The following TUT1 variants were observed in gnomAD, a reference collection of about 807,000 sequenced individuals.
TUT1 encodes speckle targeted PIP5K1A-regulated poly(A) polymerase.
A neutral mutation model predicts 48.8 loss-of-function variants in TUT1; 26 were observed. That is an observed-to-expected ratio of 0.53 (90% CI 0.39 to 0.74). TUT1 has a LOEUF of 0.74. Ranked by LOEUF, TUT1 falls within the 30% of genes least tolerant of loss-of-function variation. The pLI, the probability that TUT1 is intolerant of heterozygous loss-of-function variation, is 0.00. For synonymous variants in TUT1, 470 were observed against 460.8 expected, an observed-to-expected ratio of 1.02 and a Z score of -0.26; for missense variants, 1,065 against 1,114.8, an observed-to-expected ratio of 0.96 and a Z score of 0.64.
rs779591874 is a variant in TUT1, at chr11:62,575,782, CCTT to C, written c.1934_1936del (p.Glu645del). On this transcript the variant is annotated inframe_deletion, in exon 9 of 9. Coordinates refer to ENST00000476907, the MANE Select transcript of TUT1 (RefSeq NM_022830.3). ...CTGAGAGGACTCCCCAGTTCCACCT[CCTT>C]CTGACCGCGTTCTCTTGGTTGCCTG... is the stretch of plus-strand genomic sequence containing the variant. The C allele has an allele frequency of 1.2e-5, 20 of 1,614,114 alleles. No homozygotes were observed. The African/African-American group carries it at 2.3e-4, about 18-fold the overall frequency.
At chr11:62,576,426 A>G in intron 8 of TUT1, 182 bp from the exon 9 acceptor site, 3 of 848,462 alleles carry the variant, frequency 3.5e-6, no homozygotes, top group Non-Finnish European at 5.3e-6. Flanking sequence ...CCCTGCCCCC[A>G]CATGATGTCC....
At position 62,578,609 on chromosome 11, in the gene TUT1, A is replaced by T. The variant is rs528285215; in HGVS notation, c.1112T>A (p.Phe371Tyr). 3 of 1,613,730 alleles carry T rather than the reference A, an allele frequency of 1.9e-6. No individual in the cohort carries two copies. Among genetic ancestry groups the T allele is most frequent in the Admixed American group, 3.3e-5 (2 of 59,960 alleles). Residue 371 changes from phenylalanine to tyrosine, a missense_variant, in exon 5 of 9, where the codon TTC (phenylalanine) becomes TAC (tyrosine). Physicochemically the swap from Phe to Tyr is conservative, Grantham distance 22. Coordinates refer to ENST00000476907, the MANE Select transcript of TUT1 (RefSeq NM_022830.3). ...VPSARRPVVK[F>Y]CHRPSGLHGD... is the part of the protein sequence containing the mutation. ...GTGGAGACCTGAAGGCCGATGACAG[A>T]ACTTGACCACAGGGCGCCGGGCAGA...
At chr11:62,586,147 C>A (rs959586865) in intron 2 of TUT1, among the ~76,000 whole-genome samples, 6 of 152,122 alleles carry the variant, frequency 3.9e-5, no homozygotes, top group African/African-American at 9.7e-5. Flanking sequence ...AAATAAGGAG[C>A]CTGTGTCCTT....
chr11:62,582,730 A>G (rs1018742749), intron 2 of TUT1: 4 of 310,662 alleles, frequency 1.3e-5, no homozygotes, highest in Non-Finnish European at 2.7e-5. Context: ...ATGTGATTAC[A>G]CTATGACCCA....
At chr11:62,580,753 C>T (rs1429737139) in intron 4 of TUT1, among the ~76,000 whole-genome samples, 2 of 151,552 alleles carry the variant, frequency 1.3e-5, no homozygotes, top group Non-Finnish European at 2.9e-5. Context: ...CAGGTGTACA[C>T]CACACACCCA....
intron 2 of TUT1, among the ~76,000 whole-genome samples, chr11:62,585,911 C>A (rs1241938743): frequency 6.6e-6 from 1 of 152,036 alleles, no homozygotes; most frequent in Non-Finnish European, 1.5e-5. Flanking sequence ...GAATTCCAGA[C>A]CAGCAACATG....
rs887816542 is a variant in TUT1, at chr11:62,589,160, A to T, written c.144T>A (p.Ala48=). The change falls in exon 2 of 9, where the codon GCT becomes GCA. Residue 48 remains alanine (A), a synonymous_variant. Coordinates refer to ENST00000476907, the MANE Select transcript of TUT1 (RefSeq NM_022830.3). ...TTCGAAGTCCCTGGGCCTTTCTCGC[A>T]GCTCGTAGTTCTACCAGGTGCCGGT... is the stretch of plus-strand genomic sequence containing the variant. ...RKHRHLVELR[A]ARKAQGLRSV... 5.0e-6 allele frequency: 8 copies of T among 1,614,254 alleles called. No homozygotes were observed. The highest frequency in any genetic ancestry group is 6.8e-6 in the Non-Finnish European group (8 of 1,180,052).
Position 62,575,975 on chromosome 11 carries a change from G to A in TUT1, c.1744C>T (p.Arg582Cys), listed in dbSNP as rs760704869. ...CCCCAGTCCCGACCCCGGGAGGAAC[G>A]GCGCTGGTACTGGAGGCTTCGGCAG... ...NYCRSLQYQR[R>C]SSRGRDWGLL... is the part of the protein sequence containing the mutation. Residue 582 changes from arginine (R) to cysteine (C), a missense_variant, in exon 9 of 9, where the codon CGT becomes TGT. By Grantham distance (180) the Arg-to-Cys change is radical. Transcript: ENST00000476907. 5.0e-6 allele frequency: 8 copies of A among 1,614,102 alleles called. No individual in the cohort carries two copies. The highest frequency in any genetic ancestry group is 2.7e-5 in the African/African-American group (2 of 75,066).
At position 62,575,204 on chromosome 11, in the gene TUT1, C is replaced by T; in HGVS notation, c.2515G>A (p.Ala839Thr). The T allele has an allele frequency of 6.2e-7, 1 of 1,613,196 alleles. No homozygotes were observed. The highest frequency in any genetic ancestry group is 8.5e-7 in the Non-Finnish European group (1 of 1,179,200). Residue 839 changes from alanine (A) to threonine (T), a missense_variant, in exon 9 of 9, where the codon GCT (alanine) becomes ACT (threonine). Transcript: ENST00000476907. ...LLSFVASVSP[A>T]DRMLTVTPLQ... ...GGGGTCACAGTGAGCATTCGGTCAG[C>T]CGGGGAGACAGACGCCACAAAGCTC...
Position 62,578,848 on chromosome 11 carries a change from G to T in TUT1, c.873C>A (p.Asp291Glu). 6.2e-7 allele frequency: 1 copy of T among 1,613,328 alleles called. No individual in the cohort carries two copies. Among genetic ancestry groups the T allele is most frequent in the Non-Finnish European group, 8.5e-7 (1 of 1,179,506 alleles). The change falls in exon 5 of 9, where the codon GAC becomes GAA. Residue 291 changes from aspartate to glutamate, a missense_variant. Transcript: ENST00000476907. ...PSSSLAPQTP[D>E]SALASETLAS... ...CAAGGGTCTCGGAGGCCAAGGCAGA[G>T]TCCGGAGTTTGGGGCGCCAGGGAGG...
intron 1 of TUT1, among the ~76,000 whole-genome samples, chr11:62,589,819 G>A (rs1941980487): frequency 6.6e-6 from 1 of 152,214 alleles, no homozygotes; most frequent in African/African-American, 2.4e-5. Flanking sequence ...TGATGTCAAA[G>A]GCAGGATCTG....
At chr11:62,581,980 TACAA>T (rs1383845348) in intron 2 of TUT1, among the ~76,000 whole-genome samples, 2 of 151,680 alleles carry the variant, frequency 1.3e-5, no homozygotes, top group Non-Finnish European at 2.9e-5. Context: ...ATCCCATCTC[TACAA>T]ACAATTTTTT....
rs374660195 is a variant in TUT1 at position 62,578,997 on chromosome 11, C to G, written c.724G>C (p.Asp242His). 2.0e-6 allele frequency: 3 copies of G among 1,515,612 alleles called. No individual in the cohort carries two copies. The African/African-American group carries it at 4.2e-5, about 21-fold the overall frequency. 93.9% of individuals were successfully genotyped at this position (1,515,612 alleles called of 1,614,324 possible). A position where few individuals can be genotyped will look rare whatever the true frequency, so the allele number is the denominator to read the frequency against. Residue 242 changes from aspartate to histidine, a missense_variant, in exon 5 of 9, where the codon GAC becomes CAC. Transcript: ENST00000476907. ...TCCAGTGGGGAAGCCAGGGCCGAGT[C>G]CAGCGATGGAGATTCTGGAGCCTTT... ...VPKAPESPSL[D>H]SALASPLDPQ... is the part of the protein sequence containing the mutation.
Position 62,590,468 on chromosome 11 carries a change from C to G in TUT1, c.82+936G>C, listed in dbSNP as rs570110487. On this transcript the variant is annotated intron_variant, in intron 1 of 8. Transcript: ENST00000476907. ...TGACTAACATGGTGAAACCTCGTCT[C>G]TACTAAAAAATACAAAAAATTAGCC... Among the ~76,000 whole-genome samples, 7 of 152,128 alleles carry G rather than the reference C, an allele frequency of 4.6e-5. No homozygotes were observed. The East Asian group carries it at 1.4e-3, about 29-fold the overall frequency.
chr11:62,578,665 GAC>G lies in TUT1; in HGVS notation c.1054_1055del (p.Val352ProfsTer29). On this transcript the variant is annotated frameshift_variant, in exon 5 of 9. Coordinates refer to ENST00000476907, the MANE Select transcript of TUT1 (RefSeq NM_022830.3). LOFTEE classifies it high-confidence loss of function. ...CAGTTTGGACTCGATACACCCCAGG[GAC>G]ACAGCCCCGGAGAATGGATCCCACC... ...ELVGSILRGC[V>X]PGVYRVQTVP... 2.5e-6 allele frequency: 4 copies of G among 1,614,224 alleles called. No individual in the cohort carries two copies. The highest frequency in any genetic ancestry group is 3.4e-6 in the Non-Finnish European group (4 of 1,180,038).
At chr11:62,582,591 C>A in intron 2 of TUT1, 1 of 455,634 alleles carries the variant, frequency 2.2e-6, no homozygotes, top group Non-Finnish European at 4.4e-6. Context: ...GACAGCGAGA[C>A]CCTGTCTCAA....
chr11:62,576,727 G>A lies in TUT1; in HGVS notation c.1404C>T (p.Val468=), dbSNP rs887502476. ...TGGGGAAACTGCAGTCCCAGCCATC[G>A]ACTTCCACCTGTTCCCCCTCTCCTG... The part of the protein sequence containing the change: ...QKAGEGEQVE[V]DGWDCSFPRD... Residue 468 remains valine, a synonymous_variant, in exon 8 of 9, where the codon GTC becomes GTT. Coordinates refer to ENST00000476907, the MANE Select transcript of TUT1 (RefSeq NM_022830.3). The A allele has an allele frequency of 1.9e-6, 3 of 1,614,002 alleles. No homozygotes were observed. Among genetic ancestry groups the A allele is most frequent in the Non-Finnish European group, 1.7e-6 (2 of 1,180,026 alleles).
rs1565040262 is a variant in TUT1, at chr11:62,589,230, A to G, written c.83-9T>C. On this transcript the variant is annotated splice_polypyrimidine_tract_variant and intron_variant, in intron 1 of 8. Coordinates refer to ENST00000476907, the MANE Select transcript of TUT1 (RefSeq NM_022830.3). ...GGCATCAAGGCTGGGTCCTGCAAAG[A>G]CAAGTGTGAGACAAAAACATGCAAA... The G allele has an allele frequency of 6.2e-7, 1 of 1,613,190 alleles. No individual in the cohort carries two copies.
chr11:62,589,903 C>G (rs1379952311), intron 1 of TUT1, among the ~76,000 whole-genome samples: 2 of 152,248 alleles, frequency 1.3e-5, no homozygotes, highest in Non-Finnish European at 2.9e-5. Context: ...TGAAGCCTCA[C>G]TGTGCATCAA....
Sources: gnomAD v4.1 joint callset for allele counts (sites outside exome capture counted in the v4.1 genomes callset) on GRCh38, gnomAD v4.1.1 for gene constraint, MANE v1.5 for transcripts, NCBI Gene and HGNC (gene_info 2026-07-23, HGNC 2026-07-21) for gene names.